Variants in EHBP1 observed in about 807,000 individuals in gnomAD.
The protein encoded by EHBP1 is EH domain-binding protein 1.
A neutral mutation model predicts 144.0 loss-of-function variants in EHBP1; 55 were observed. The observed-to-expected ratio is 0.38, with a 90% confidence interval of 0.31 to 0.48. EHBP1 has a LOEUF of 0.48. Ranked by LOEUF, EHBP1 falls within the 20% of genes least tolerant of loss-of-function variation. The probability of loss-of-function intolerance (pLI) is 0.98; values close to 1 mark genes in which losing one functional copy is unlikely to be tolerated. For synonymous variants in EHBP1, 469 were observed against 472.7 expected, an observed-to-expected ratio of 0.99 and a Z score of 0.10; for missense variants, 1,200 against 1,364.2, an observed-to-expected ratio of 0.88 and a Z score of 1.90.
intron 14 of EHBP1, among the ~76,000 whole-genome samples, chr2:62,978,974 G>T (rs893387544): frequency 1.3e-5 from 2 of 151,956 alleles, no homozygotes; most frequent in African/African-American, 4.8e-5. Flanking sequence ...TATTTTTAAT[G>T]GACATTTTAA....
intron 1 of EHBP1, among the ~76,000 whole-genome samples, chr2:62,690,045 T>C (rs1026269044): frequency 3.3e-5 from 5 of 152,218 alleles, no homozygotes; most frequent in Non-Finnish European, 5.9e-5. Context: ...CATTTGGTAT[T>C]GTCTATAATA....
At chr2:62,933,350 A>G (rs1394293208) in intron 10 of EHBP1, among the ~76,000 whole-genome samples, 1 of 152,140 alleles carries the variant, frequency 6.6e-6, no homozygotes, top group East Asian at 1.9e-4. Context: ...ATTTGACCTT[A>G]TCAAATATAT....
intron 7 of EHBP1, among the ~76,000 whole-genome samples, chr2:62,856,046 G>A (rs541592581): frequency 2.6e-5 from 4 of 152,262 alleles, no homozygotes; most frequent in Admixed American, 6.5e-5. Flanking sequence ...TACCCACTGC[G>A]AGTCTCCTCT....
chr2:62,772,089 CAA>C (rs1194098390), intron 5 of EHBP1: 2 of 145,070 alleles, frequency 1.4e-5, no homozygotes, highest in African/African-American at 5.1e-5. Context: ...GCCTGGGTGA[CAA>C]GAGTGAAACT....
rs115767188 is a variant in EHBP1 at position 62,847,049 on chromosome 2, T to C, written c.635-12120T>C. 2.4e-3 allele frequency among the ~76,000 whole-genome samples: 362 copies of C among 152,308 alleles called. 2 individuals are homozygous for C. The highest frequency in any genetic ancestry group is 8.2e-3 in the African/African-American group (340 of 41,560). On this transcript the variant is annotated intron_variant, in intron 7 of 22. Transcript: ENST00000431489. ...ATATTGAGAAAGAACTGAATTATAA[T>C]AGTAATGCTACCTGACATGAAAATT...
intron 1 of EHBP1, among the ~76,000 whole-genome samples, chr2:62,678,820 A>T (rs916992412): frequency 1.3e-5 from 2 of 152,196 alleles, no homozygotes; most frequent in African/African-American, 4.8e-5. Flanking sequence ...TTTTTATTAC[A>T]TGTATATTTA....
intron 13 of EHBP1, among the ~76,000 whole-genome samples, chr2:62,951,534 T>TG (rs70962799): frequency 0.04 from 3,689 of 92,142 alleles, 172 homozygotes; most frequent in East Asian, 0.11. Context: ...TTTTTTTTTT[T>TG]GGGGGGGGGG....
At chr2:62,752,732 A>G (rs956917350) in intron 3 of EHBP1, among the ~76,000 whole-genome samples, 5 of 152,072 alleles carry the variant, frequency 3.3e-5, no homozygotes, top group Non-Finnish European at 5.9e-5. Context: ...ACCATTATGT[A>G]ATGGCCTTCT....
chr2:63,037,440 T>TA (rs2061485920), intron 19 of EHBP1, 95 bp from the exon 20 acceptor site: 1 of 778,838 alleles, frequency 1.3e-6, no homozygotes, highest in African/African-American at 1.8e-5. Context: ...TTAGAATAAG[T>TA]AAAATGTTTT....
intron 19 of EHBP1, among the ~76,000 whole-genome samples, chr2:63,015,234 A>G (rs182725988): frequency 1.2e-3 from 176 of 152,296 alleles, no homozygotes; most frequent in African/African-American, 4.2e-3. Flanking sequence ...GCCTCTTAAG[A>G]TATTATAATT....
intron 3 of EHBP1, among the ~76,000 whole-genome samples, chr2:62,763,303 T>A (rs1304952791): frequency 2.6e-5 from 4 of 152,148 alleles, no homozygotes; most frequent in Non-Finnish European, 5.9e-5. Flanking sequence ...CTCTTCCTAC[T>A]GTATTGTAAA....
At chr2:62,699,510 C>A (rs2034209303) in intron 1 of EHBP1, among the ~76,000 whole-genome samples, 3 of 152,174 alleles carry the variant, frequency 2.0e-5, no homozygotes, top group South Asian at 4.1e-4. Context: ...CCTTGACATA[C>A]ACATTTGTGG....
At chr2:62,836,194 G>A (rs1049349343) in intron 7 of EHBP1, among the ~76,000 whole-genome samples, 10 of 152,034 alleles carry the variant, frequency 6.6e-5, no homozygotes, top group Admixed American at 2.6e-4. Flanking sequence ...CCTGACCCCC[G>A]AGCAGCCTAA....
chr2:62,973,735 C>T (rs1186009282), intron 14 of EHBP1, among the ~76,000 whole-genome samples: 1 of 152,146 alleles, frequency 6.6e-6, no homozygotes, highest in Non-Finnish European at 1.5e-5. Flanking sequence ...TGTGGTGGCT[C>T]ATGCCTGTAA....
At chr2:62,946,239 T>C (rs2057057206) in intron 12 of EHBP1, among the ~76,000 whole-genome samples, 1 of 152,224 alleles carries the variant, frequency 6.6e-6, no homozygotes, top group Admixed American at 6.5e-5. Flanking sequence ...AAGTCACACT[T>C]CTTTACATTA....
intron 10 of EHBP1, among the ~76,000 whole-genome samples, chr2:62,892,167 C>T (rs141294968): frequency 4.3e-4 from 66 of 152,208 alleles, no homozygotes; most frequent in African/African-American, 1.5e-3. Context: ...AATAGTGTGA[C>T]GTAACCATTT....
chr2:62,714,143 T>C (rs1305205549), intron 2 of EHBP1, among the ~76,000 whole-genome samples: 1 of 152,124 alleles, frequency 6.6e-6, no homozygotes, highest in East Asian at 1.9e-4. Flanking sequence ...TGGGAGGGGC[T>C]GAGGTGGCAG....
intron 19 of EHBP1, among the ~76,000 whole-genome samples, chr2:63,008,551 T>C (rs968316196): frequency 1.3e-5 from 2 of 151,464 alleles, no homozygotes; most frequent in African/African-American, 4.8e-5. Flanking sequence ...TTTAGTGATA[T>C]ATAAATCACT....
Position 62,826,214 on chromosome 2 carries a change from C to G in EHBP1, c.440C>G (p.Ser147Cys), listed in dbSNP as rs1260000427. The change falls in exon 6 of 23, where the codon TCT becomes TGT. Residue 147 changes from serine (S) to cysteine (C), a missense_variant. Transcript: ENST00000431489. The stretch of plus-strand genomic sequence containing the variant: ...AAGCCATTATCTAAAAAAGTTGTAT[C>G]TGCCGCTCTTCAGTTTTCATTATCT... ...KFKPLSKKVVSAALQFSLSCI... is the reference protein window; with the variant it reads ...KFKPLSKKVVCAALQFSLSCI... 1.9e-6 allele frequency: 3 copies of G among 1,608,940 alleles called. No individual in the cohort carries two copies. The highest frequency in any genetic ancestry group is 4.5e-5 in the East Asian group (2 of 44,700).
Sources: gnomAD v4.1 joint callset for allele counts (sites outside exome capture counted in the v4.1 genomes callset) on GRCh38, gnomAD v4.1.1 for gene constraint, MANE v1.5 for transcripts, NCBI Gene and HGNC (gene_info 2026-07-23, HGNC 2026-07-21) for gene names.